The following SLC2A9 variants were observed in gnomAD, a reference collection of about 807,000 sequenced individuals.
SLC2A9 encodes solute carrier family 2, facilitated glucose transporter member 9.
SLC2A9 carries 39 observed loss-of-function variants against 50.6 expected under a neutral mutation model. The observed-to-expected ratio is 0.77, with a 90% CI of 0.60 to 1.01. The LOEUF (loss-of-function observed/expected upper bound fraction) is 1.01, where lower values mean the gene tolerates loss of function less well. Ranked by LOEUF, SLC2A9 falls within the 50% of genes least tolerant of loss-of-function variation. The pLI, the probability that SLC2A9 is intolerant of heterozygous loss-of-function variation, is 0.00. For missense variants in SLC2A9, 686 were observed against 677.6 expected (o/e 1.01, Z -0.14); for synonymous variants, 324 against 276.9 (o/e 1.17, Z -1.69).
chr4:9,873,687 C>T (rs192118355), intron 10 of SLC2A9, among the ~76,000 whole-genome samples: 2 of 152,140 alleles, frequency 1.3e-5, no homozygotes, highest in East Asian at 3.9e-4. Context: ...AGATGACCTG[C>T]CAGCTGGATG....
At chr4:10,024,224 C>T (rs1465272855), upstream of SLC2A9, among the ~76,000 whole-genome samples, 1 of 151,970 alleles carries the variant, frequency 6.6e-6, no homozygotes, top group African/African-American at 2.4e-5. Context: ...GTGTGCCTTC[C>T]CCTCTGCACG....
At chr4:10,014,861 C>T (rs1762343777) in intron 2 of SLC2A9, among the ~76,000 whole-genome samples, 1 of 152,224 alleles carries the variant, frequency 6.6e-6, no homozygotes, top group African/African-American at 2.4e-5. Flanking sequence ...CCTCTCTTCT[C>T]ACAAAGCAGC....
intron 5 of SLC2A9, among the ~76,000 whole-genome samples, chr4:9,944,044 T>C (rs1328664522): frequency 1.3e-5 from 2 of 152,226 alleles, no homozygotes; most frequent in Non-Finnish European, 2.9e-5. Flanking sequence ...GTGGGAGCAC[T>C]TCCCAGGGGT....
chr4:9,772,567 C>T (rs1019919269), intron 1 of SLC2A9, among the ~76,000 whole-genome samples: 1 of 152,206 alleles, frequency 6.6e-6, no homozygotes, highest in African/African-American at 2.4e-5. Context: ...GAACCACCGG[C>T]CTCTGAATGA....
intron 6 of SLC2A9, among the ~76,000 whole-genome samples, chr4:9,937,644 T>C (rs925198870): frequency 6.6e-6 from 1 of 152,018 alleles, no homozygotes; most frequent in African/African-American, 2.4e-5. Flanking sequence ...TCTTTATCAT[T>C]GACAAGGGCA....
At chr4:9,888,667 G>C (rs1736751667) in intron 9 of SLC2A9, among the ~76,000 whole-genome samples, 2 of 152,098 alleles carry the variant, frequency 1.3e-5, no homozygotes, top group East Asian at 3.9e-4. Flanking sequence ...CAGTGGGAAA[G>C]GAAAGGAAAG....
intron 10 of SLC2A9, among the ~76,000 whole-genome samples, chr4:9,858,894 G>T (rs950208459): frequency 6.6e-6 from 1 of 152,208 alleles, no homozygotes; most frequent in Non-Finnish European, 1.5e-5. Context: ...AAAGCAGGCA[G>T]GAGAAGATGG....
chr4:9,781,909 C>G (rs1202240981), intron 3 of SLC2A9: 1 of 898,886 alleles, frequency 1.1e-6, no homozygotes, highest in African/African-American at 1.7e-5. Context: ...TGAGCGCCCT[C>G]TGGGGCTCGA....
At chr4:10,020,659 ACTT>A (rs1054576051) in intron 1 of SLC2A9, among the ~76,000 whole-genome samples, 8 of 152,038 alleles carry the variant, frequency 5.3e-5, no homozygotes, top group Admixed American at 4.6e-4. Flanking sequence ...CACAGATACC[ACTT>A]CTTCTGAGCC....
At chr4:9,876,577 C>T (rs7688629) in intron 10 of SLC2A9, among the ~76,000 whole-genome samples, 18,481 of 152,112 alleles carry the variant, frequency 0.12, 1,315 homozygotes, top group African/African-American at 0.17. Context: ...GGTGACAGAG[C>T]GAGACCCTAT....
At chr4:9,874,928 A>C (rs111968971) in intron 10 of SLC2A9, among the ~76,000 whole-genome samples, 3 of 145,514 alleles carry the variant, frequency 2.1e-5, no homozygotes, top group Non-Finnish European at 3.0e-5. Flanking sequence ...TGTCTTTAGA[A>C]ATGGCCATAG....
intron 8 of SLC2A9, 96 bp downstream of exon 8, chr4:9,908,139 T>G: frequency 1.2e-6 from 1 of 855,460 alleles, no homozygotes. Context: ...TGAATTCTGA[T>G]GGGGAAAGCC....
chr4:9,826,684 A>G (rs1407129817), intron 11 of SLC2A9, 84 bp from the exon 12 acceptor site: 13 of 1,273,912 alleles, frequency 1.0e-5, no homozygotes, highest in Middle Eastern at 2.5e-4. Flanking sequence ...TTTTTAAGAT[A>G]GCTCCACATT....
At chr4:9,782,986 C>G in intron 3 of SLC2A9, 1 of 1,614,226 alleles carries the variant, frequency 6.2e-7, no homozygotes, top group Non-Finnish European at 8.5e-7. Flanking sequence ...ACTGCATGGT[C>G]CCTTTCTGCA....
At chr4:9,953,294 A>G (rs7375599) in intron 5 of SLC2A9, among the ~76,000 whole-genome samples, 87,563 of 152,044 alleles carry the variant, frequency 0.58, 26,453 homozygotes, top group African/African-American at 0.77. Context: ...AGGTAACATC[A>G]TTGGGCAGTG....
chr4:9,814,854 G>A (rs910285111), intron 3 of SLC2A9, among the ~76,000 whole-genome samples: 12 of 152,172 alleles, frequency 7.9e-5, no homozygotes, highest in Middle Eastern at 3.4e-3. Context: ...AGGATTACAC[G>A]TAGGCATGTA....
upstream of SLC2A9, chr4:10,025,849 C>G: frequency 6.4e-7 from 1 of 1,565,930 alleles, no homozygotes. Context: ...GGGGTACTAC[C>G]CCCTGGGTGA....
At chr4:9,897,700 A>G (rs919294675) in intron 8 of SLC2A9, among the ~76,000 whole-genome samples, 2 of 152,164 alleles carry the variant, frequency 1.3e-5, no homozygotes, top group African/African-American at 2.4e-5. Context: ...CAGCCTGGCC[A>G]ACATGATGAA....
chr4:9,942,840 C>T (rs967442547), intron 5 of SLC2A9, among the ~76,000 whole-genome samples: 2 of 152,210 alleles, frequency 1.3e-5, no homozygotes, highest in African/African-American at 4.8e-5. Context: ...GAGAATCCTG[C>T]TCACAATGCA....
Sources: gnomAD v4.1 joint callset for allele counts (sites outside exome capture counted in the v4.1 genomes callset) on GRCh38, gnomAD v4.1.1 for gene constraint, MANE v1.5 for transcripts, NCBI Gene and HGNC (gene_info 2026-07-23, HGNC 2026-07-21) for gene names.